Variants in ZC3H12B observed in about 807,000 individuals in gnomAD.
The protein encoded by ZC3H12B is zinc finger CCCH-type containing 12B.
In ZC3H12B, 7 loss-of-function variants were observed where a neutral mutation model predicts 43.9. The ratio of observed to expected loss-of-function variants is 0.16; its 90% CI spans 0.09 to 0.30. The LOEUF is 0.30. Among genes scored for constraint, ZC3H12B ranks in the 10% least tolerant of loss-of-function variants. The pLI, the probability that ZC3H12B is intolerant of heterozygous loss-of-function variation, is 1.00. For synonymous variants in ZC3H12B, 222 were observed against 241.7 expected (o/e 0.92, Z 0.76); for missense variants, 475 against 670.2 (o/e 0.71, Z 3.22).
At chrX:65,104,716 C>T in the ZC3H12B span, among the ~76,000 whole-genome samples, 1 of 111,742 alleles carries the variant, frequency 8.9e-6, no homozygotes, top group Non-Finnish European at 1.9e-5. Context: ...TACCATCTCA[C>T]ACCATTTAGA....
At chrX:65,191,052 A>G in the ZC3H12B span, among the ~76,000 whole-genome samples, 17 of 87,822 alleles carry the variant, frequency 1.9e-4, no homozygotes, top group Non-Finnish European at 3.4e-4. Flanking sequence ...ATCTATTGAG[A>G]TAATCATGTG....
chrX:65,469,578 G>T, intron 3 of ZC3H12B: 1 of 262,540 alleles, frequency 3.8e-6, no homozygotes, highest in Non-Finnish European at 7.1e-6. Flanking sequence ...ATGACTTTGA[G>T]CTCAGATACT....
At chrX:65,183,788 A>G in the ZC3H12B span, among the ~76,000 whole-genome samples, 1 of 111,622 alleles carries the variant, frequency 9.0e-6, no homozygotes, top group African/African-American at 3.2e-5. Flanking sequence ...TGGTGTCTGG[A>G]TCATACCTAA....
intron 3 of ZC3H12B, 46 bp downstream of exon 5, chrX:65,398,750 G>A (rs2148045787): frequency 8.9e-6 from 1 of 111,833 alleles, no homozygotes; most frequent in East Asian, 2.8e-4. Context: ...CCATTTTTAA[G>A]TTAGTTCTCT....
intron 2 of ZC3H12B, among the ~76,000 whole-genome samples, chrX:65,371,346 C>G (rs1382270732): frequency 9.0e-6 from 1 of 111,185 alleles, no homozygotes; most frequent in African/African-American, 3.3e-5. Context: ...AGTAATTGAG[C>G]CTCAAGGATG....
intron 3 of ZC3H12B, among the ~76,000 whole-genome samples, chrX:65,466,915 A>AACAT (rs1320106217): frequency 3.3e-4 from 8 of 23,932 alleles, no homozygotes; most frequent in Non-Finnish European, 1.3e-3. Flanking sequence ...TATAAAACCA[A>AACAT]ATATATATAT....
chrX:65,160,738 G>T, the ZC3H12B span, among the ~76,000 whole-genome samples: 5 of 111,284 alleles, frequency 4.5e-5, no homozygotes, highest in Non-Finnish European at 9.4e-5. Context: ...TTTTTTGAAG[G>T]GTTTTTTGTG....
At chrX:65,220,888 C>T in the ZC3H12B span, among the ~76,000 whole-genome samples, 2 of 111,503 alleles carry the variant, frequency 1.8e-5, no homozygotes, top group Non-Finnish European at 3.8e-5. Flanking sequence ...CCAACAACTG[C>T]AGAATATACA....
At chrX:65,130,994 G>T in the ZC3H12B span, among the ~76,000 whole-genome samples, 1 of 112,112 alleles carries the variant, frequency 8.9e-6, no homozygotes, top group Non-Finnish European at 1.9e-5. Flanking sequence ...TATTAAAGAG[G>T]CATTAATGAT....
At chrX:65,183,421 G>A in the ZC3H12B span, among the ~76,000 whole-genome samples, 44 of 110,992 alleles carry the variant, frequency 4.0e-4, no homozygotes, top group African/African-American at 1.4e-3. Flanking sequence ...GAGGTTGGAG[G>A]GTGGGAGGGG....
At chrX:65,244,010 T>C in the ZC3H12B span, among the ~76,000 whole-genome samples, 2 of 111,319 alleles carry the variant, frequency 1.8e-5, no homozygotes, top group Non-Finnish European at 3.8e-5. Context: ...AATTTGTTAA[T>C]GAGTACAAAA....
the ZC3H12B span, among the ~76,000 whole-genome samples, chrX:65,133,426 A>G: frequency 3.6e-5 from 4 of 109,643 alleles, no homozygotes; most frequent in South Asian, 1.3e-3. Flanking sequence ...AAAGCGTCTA[A>G]GGGTTGTTGC....
chrX:65,051,790 A>G, the ZC3H12B span, among the ~76,000 whole-genome samples: 1 of 110,531 alleles, frequency 9.0e-6, no homozygotes, highest in Non-Finnish European at 1.9e-5. Context: ...TTTTAAGGAC[A>G]CTTTGGCAGG....
chrX:65,376,958 A>G (rs147176968), intron 2 of ZC3H12B, among the ~76,000 whole-genome samples: 1 of 111,320 alleles, frequency 9.0e-6, no homozygotes, highest in Non-Finnish European at 1.9e-5. Flanking sequence ...AAACAGAGAT[A>G]TGTGACCTTT....
chrX:65,261,336 CACA>C, the ZC3H12B span, among the ~76,000 whole-genome samples: 1 of 111,793 alleles, frequency 8.9e-6, no homozygotes, highest in African/African-American at 3.2e-5. Context: ...TTAACCCTTT[CACA>C]ACAATTTCAA....
the ZC3H12B span, among the ~76,000 whole-genome samples, chrX:65,322,951 A>G: frequency 9.0e-6 from 1 of 111,611 alleles, no homozygotes; most frequent in Admixed American, 9.5e-5. Flanking sequence ...ATTTATTTCT[A>G]AGTATTATAT....
At chrX:65,202,333 T>A in the ZC3H12B span, among the ~76,000 whole-genome samples, 3 of 106,842 alleles carry the variant, frequency 2.8e-5, no homozygotes, top group South Asian at 3.9e-4. Flanking sequence ...AGAAATTTAT[T>A]TTAGTTTTCA....
At chrX:65,468,856 T>C (rs1208858930) in intron 3 of ZC3H12B, among the ~76,000 whole-genome samples, 2 of 109,533 alleles carry the variant, frequency 1.8e-5, no homozygotes, top group East Asian at 5.7e-4. Context: ...AAATTTTCTC[T>C]CTTTTTTTTT....
At chrX:65,180,501 A>T in the ZC3H12B span, among the ~76,000 whole-genome samples, 16 of 111,746 alleles carry the variant, frequency 1.4e-4, no homozygotes, top group African/African-American at 5.2e-4. Flanking sequence ...ACATGATTGT[A>T]TATTTAGAAA....
Sources: gnomAD v4.1 joint callset for allele counts (sites outside exome capture counted in the v4.1 genomes callset) on GRCh38, gnomAD v4.1.1 for gene constraint, MANE v1.5 for transcripts, NCBI Gene and HGNC (gene_info 2026-07-23, HGNC 2026-07-21) for gene names.